SLCO1A2: variants seen among roughly 807,000 people sequenced by gnomAD.
SLCO1A2 encodes solute carrier organic anion transporter family member 1A2.
Under a neutral mutation model 69.0 loss-of-function variants are expected in SLCO1A2, and 67 were observed. The ratio of observed to expected loss-of-function variants is 0.97; its 90% CI spans 0.80 to 1.19. The LOEUF (loss-of-function observed/expected upper bound fraction) is 1.19. Among genes scored for constraint, SLCO1A2 ranks in the 50% most tolerant of loss-of-function variants. The pLI is 0.00. For missense variants in SLCO1A2, 787 were observed against 793.7 expected (o/e 0.99, Z 0.10); for synonymous variants, 260 against 265.9 (o/e 0.98, Z 0.22).
At chr12:21,318,631 AT>A (rs1439496991) in intron 3 of SLCO1A2, 150 bp downstream of exon 3, 3 of 572,826 alleles carry the variant, frequency 5.2e-6, no homozygotes, top group African/African-American at 3.9e-5. Context: ...TTCCAAGCAT[AT>A]TCTAAGCTTA....
intron 1 of SLCO1A2, among the ~76,000 whole-genome samples, chr12:21,410,515 G>T (rs1287211889): frequency 4.6e-5 from 7 of 152,132 alleles, no homozygotes; most frequent in Non-Finnish European, 7.4e-5. Context: ...CCACAATGTA[G>T]TCATCTAATT....
intron 6 of SLCO1A2, among the ~76,000 whole-genome samples, chr12:21,301,621 T>TG (rs2136452340): frequency 6.6e-6 from 1 of 152,312 alleles, no homozygotes; most frequent in African/African-American, 2.4e-5. Flanking sequence ...AGGCATGTTT[T>TG]GGGAGGAATT....
chr12:21,349,320 G>T (rs1161510722), intron 2 of SLCO1A2, among the ~76,000 whole-genome samples: 3 of 152,044 alleles, frequency 2.0e-5, no homozygotes, highest in Non-Finnish European at 2.9e-5. Flanking sequence ...TGGAGTCCTG[G>T]GTTTCTATTC....
chr12:21,388,824 C>T (rs571140641), intron 1 of SLCO1A2, among the ~76,000 whole-genome samples: 15 of 152,128 alleles, frequency 9.9e-5, no homozygotes, highest in African/African-American at 3.6e-4. Context: ...AATATGTAAG[C>T]CCACAGGTTA....
At chr12:21,362,665 CAG>C (rs976675294) in intron 2 of SLCO1A2, among the ~76,000 whole-genome samples, 30 of 152,086 alleles carry the variant, frequency 2.0e-4, no homozygotes, top group African/African-American at 7.0e-4. Flanking sequence ...ATCTCACACG[CAG>C]AGACACGCAT....
chr12:21,362,957 C>A (rs1287368783), intron 2 of SLCO1A2, among the ~76,000 whole-genome samples: 2 of 152,184 alleles, frequency 1.3e-5, no homozygotes, highest in Admixed American at 6.5e-5. Context: ...GAGACATTAA[C>A]ACCCCACTGT....
At chr12:21,347,519 G>T (rs1953295735) in intron 2 of SLCO1A2, among the ~76,000 whole-genome samples, 1 of 151,982 alleles carries the variant, frequency 6.6e-6, no homozygotes. Flanking sequence ...GGTGGCGCAC[G>T]TCTGTAATCC....
upstream of SLCO1A2, among the ~76,000 whole-genome samples, chr12:21,336,963 A>C (rs974852408): frequency 2.0e-5 from 3 of 152,058 alleles, no homozygotes; most frequent in African/African-American, 7.2e-5. Context: ...TCAGCATTCA[A>C]ATGGGAACAG....
chr12:21,354,013 T>C (rs1382729758), intron 2 of SLCO1A2, among the ~76,000 whole-genome samples: 1 of 152,222 alleles, frequency 6.6e-6, no homozygotes, highest in Admixed American at 6.5e-5. Context: ...TTACTTAACC[T>C]CTCTAAACAC....
intron 3 of SLCO1A2, 42 bp downstream of exon 3, chr12:21,318,740 A>G: frequency 1.3e-6 from 2 of 1,552,070 alleles, no homozygotes; most frequent in Admixed American, 1.9e-5. Context: ...TCCACAGATA[A>G]GACAAAATAC....
intron 2 of SLCO1A2, among the ~76,000 whole-genome samples, chr12:21,367,703 C>T (rs905287164): frequency 6.6e-6 from 1 of 151,856 alleles, no homozygotes; most frequent in Non-Finnish European, 1.5e-5. Context: ...TATAAAATCA[C>T]GCCATTCATC....
At chr12:21,295,312 T>C (rs1367680043) in intron 10 of SLCO1A2, 2 of 259,456 alleles carry the variant, frequency 7.7e-6, no homozygotes, top group Non-Finnish European at 1.5e-5. Flanking sequence ...GTTTCTTTCA[T>C]AGGATAATGT....
rs544430686 is a variant in SLCO1A2, at chr12:21,265,620, G to T, written c.*3928C>A. 1 of 152,286 alleles carries T rather than the reference G, an allele frequency of 6.6e-6. No homozygotes were observed. The highest frequency in any genetic ancestry group is 2.1e-4 in the South Asian group (1 of 4,834). The allele number at this position is 152,286 out of a possible 1,614,324, so 9.4% of individuals were successfully genotyped here. The stretch of plus-strand genomic sequence containing the variant: ...GGTTGGGAACTTGGCACAGGACCCA[G>T]TTACTCATCCTCTTTTATGCCTCTT... On this transcript the variant is annotated 3_prime_UTR_variant, in exon 15 of 15. Transcript: ENST00000683939.
intron 2 of SLCO1A2, among the ~76,000 whole-genome samples, chr12:21,359,400 T>TG (rs896521648): frequency 6.6e-5 from 10 of 151,172 alleles, no homozygotes; most frequent in South Asian, 2.1e-4. Context: ...AAAACATTAG[T>TG]GAAAAAAAAA....
intron 2 of SLCO1A2, among the ~76,000 whole-genome samples, chr12:21,370,354 G>A (rs1939688552): frequency 6.6e-6 from 1 of 151,286 alleles, no homozygotes; most frequent in Admixed American, 6.6e-5. Context: ...TATACTTTAA[G>A]TTTTAGGGTA....
At chr12:21,302,668 T>G (rs139135377) in intron 6 of SLCO1A2, among the ~76,000 whole-genome samples, 14,648 of 152,050 alleles carry the variant, frequency 0.096, 944 homozygotes, top group Non-Finnish European at 0.15. Flanking sequence ...GTGATTCTCC[T>G]GTCTCAGCCT....
At chr12:21,343,978 C>T (rs1304937354) in intron 2 of SLCO1A2, among the ~76,000 whole-genome samples, 1 of 152,088 alleles carries the variant, frequency 6.6e-6, no homozygotes, top group Non-Finnish European at 1.5e-5. Context: ...GCAAAGGAAT[C>T]ATATGGGTCC....
chr12:21,264,691 T>A lies in SLCO1A2; in HGVS notation c.*4857A>T, dbSNP rs1446724137. 2.0e-5 allele frequency: 3 copies of A among 152,292 alleles called. No individual in the cohort carries two copies. In the East Asian group the frequency reaches 5.8e-4, roughly 29 times the overall value. The allele number at this position is 152,292 out of a possible 1,614,324, so 9.4% of individuals were successfully genotyped here. ...ATATAAAAGCAATCTTACAGGATTA[T>A]GCAATAGTGTCTCACACAGAAATGA... is the stretch of plus-strand genomic sequence containing the variant. On this transcript the variant is annotated 3_prime_UTR_variant, in exon 15 of 15. Transcript: ENST00000683939.
intron 1 of SLCO1A2, among the ~76,000 whole-genome samples, chr12:21,409,544 T>G (rs1167861538): frequency 6.6e-6 from 1 of 152,146 alleles, no homozygotes; most frequent in Non-Finnish European, 1.5e-5. Context: ...TATTTAGACC[T>G]TTATGGAAAA....
Sources: allele counts gnomAD v4.1 joint callset (sites outside exome capture counted in the v4.1 genomes callset), GRCh38; gene constraint gnomAD v4.1.1; transcripts MANE v1.5; gene names NCBI Gene and HGNC (gene_info 2026-07-23, HGNC 2026-07-21).